The following PTPRD variants were observed in gnomAD, a reference collection of about 807,000 sequenced individuals.
The protein encoded by PTPRD is protein tyrosine phosphatase receptor type D, also known as receptor-type tyrosine-protein phosphatase delta.
In PTPRD, 34 loss-of-function variants were observed where a neutral mutation model predicts 214.5. The ratio of observed to expected loss-of-function variants is 0.16; its 90% CI spans 0.12 to 0.21. The LOEUF is 0.21. Among genes scored for constraint, PTPRD ranks in the 10% least tolerant of loss-of-function variants. PTPRD has a pLI of 1.00. For missense variants in PTPRD, 2,545 were observed against 2,398.7 expected (o/e 1.06, Z -1.27); for synonymous variants, 1,128 against 845.7 (o/e 1.33, Z -5.79).
At chr9:10,404,440 T>C (rs1014254729) in intron 2 of PTPRD, among the ~76,000 whole-genome samples, 1 of 151,716 alleles carries the variant, frequency 6.6e-6, no homozygotes, top group Non-Finnish European at 1.5e-5. Flanking sequence ...TTCTTATTTG[T>C]ATTATTTTAA....
rs137923498 is a variant in PTPRD at position 9,703,775 on chromosome 9, C to A, written c.-287+30758G>T. ...GAAATCAGGGAGATTAATAAAATAACCCTAAAGAGTTGAAGTTAGTTAGAA... is the reference window on the plus strand; with the variant it reads ...GAAATCAGGGAGATTAATAAAATAAACCTAAAGAGTTGAAGTTAGTTAGAA... On this transcript the variant is annotated intron_variant, in intron 7 of 45. Coordinates refer to ENST00000381196, the MANE Select transcript of PTPRD (RefSeq NM_002839.4). 3.2e-4 allele frequency among the ~76,000 whole-genome samples: 49 copies of A among 152,136 alleles called. 1 individual carries two copies. The East Asian group carries it at 9.3e-3, about 29-fold the overall frequency.
chr9:8,457,284 G>A (rs552767617), intron 33 of PTPRD, among the ~76,000 whole-genome samples: 7 of 152,068 alleles, frequency 4.6e-5, no homozygotes, highest in Non-Finnish European at 8.8e-5. Flanking sequence ...GTACTTGGCC[G>A]AACGTTGCTA....
intron 2 of PTPRD, among the ~76,000 whole-genome samples, chr9:10,418,258 G>C (rs561578497): frequency 1.3e-5 from 2 of 151,698 alleles, no homozygotes; most frequent in Non-Finnish European, 2.9e-5. Flanking sequence ...AAATATAATA[G>C]CATTATGTTT....
chr9:10,393,964 G>A (rs1053236273), intron 2 of PTPRD, among the ~76,000 whole-genome samples: 1 of 147,306 alleles, frequency 6.8e-6, no homozygotes, highest in Non-Finnish European at 1.5e-5. Context: ...AAACTCTTAG[G>A]ATACAGCTGT....
chr9:8,785,162 T>G (rs1444345744), intron 11 of PTPRD, among the ~76,000 whole-genome samples: 1 of 151,734 alleles, frequency 6.6e-6, no homozygotes, highest in Non-Finnish European at 1.5e-5. Flanking sequence ...GACACAAATA[T>G]GTACAAGAAA....
At chr9:8,387,979 A>G (rs1244465134) in intron 37 of PTPRD, among the ~76,000 whole-genome samples, 3 of 152,226 alleles carry the variant, frequency 2.0e-5, no homozygotes, top group Non-Finnish European at 4.4e-5. Context: ...AGTATGGCAG[A>G]TATTTGTCTT....
chr9:8,646,305 G>A (rs556678021), intron 12 of PTPRD, among the ~76,000 whole-genome samples: 92 of 152,032 alleles, frequency 6.1e-4, no homozygotes, highest in Non-Finnish European at 8.1e-4. Flanking sequence ...TTCCCTTTTC[G>A]TTCTTTGAGT....
intron 3 of PTPRD, among the ~76,000 whole-genome samples, chr9:10,036,263 C>A (rs531273247): frequency 7.2e-5 from 11 of 152,254 alleles, no homozygotes; most frequent in African/African-American, 2.4e-4. Flanking sequence ...TCCTTGACAT[C>A]TAAGACATAC....
chr9:10,076,144 G>C (rs1340629532), intron 3 of PTPRD, among the ~76,000 whole-genome samples: 1 of 152,040 alleles, frequency 6.6e-6, no homozygotes, highest in African/African-American at 2.4e-5. Context: ...AGTACTGTAT[G>C]TGGCCCTCTG....
rs576114314 is a variant in PTPRD, at chr9:9,091,082, A to G, written c.-142-72347T>C. On this transcript the variant is annotated intron_variant, in intron 10 of 45. Coordinates refer to ENST00000381196, the MANE Select transcript of PTPRD (RefSeq NM_002839.4). Reference sequence around the variant, plus strand: ...TCTGAAGCGAGCGTCTTCGATGCCTATGTGCTTCCCAAGCTGTATGTGAAG... The same window carrying G: ...TCTGAAGCGAGCGTCTTCGATGCCTGTGTGCTTCCCAAGCTGTATGTGAAG... 1.7e-5 allele frequency: 24 copies of G among 1,451,964 alleles called. No individual in the cohort carries two copies. In the Admixed American group the frequency reaches 2.2e-4, roughly 13 times the overall value. 89.9% of individuals were successfully genotyped at this position (1,451,964 alleles called of 1,614,324 possible). A position where few individuals can be genotyped will look rare whatever the true frequency, so the allele number is the denominator to read the frequency against.
At chr9:10,492,877 T>C (rs973751264) in intron 2 of PTPRD, among the ~76,000 whole-genome samples, 1 of 152,104 alleles carries the variant, frequency 6.6e-6, no homozygotes, top group East Asian at 1.9e-4. Flanking sequence ...CTAAATCTCG[T>C]TAAGCAGATA....
At chr9:10,365,387 C>G (rs2097497089) in intron 2 of PTPRD, among the ~76,000 whole-genome samples, 1 of 152,224 alleles carries the variant, frequency 6.6e-6, no homozygotes, top group South Asian at 2.1e-4. Flanking sequence ...ACATCAGCTT[C>G]TCACTTCAAC....
chr9:10,479,780 G>A (rs532485418), intron 2 of PTPRD, among the ~76,000 whole-genome samples: 6 of 152,058 alleles, frequency 3.9e-5, no homozygotes, highest in South Asian at 2.1e-4. Context: ...TTGATTACAC[G>A]ACTGTACTTC....
At chr9:9,951,936 G>T (rs899061360) in intron 4 of PTPRD, among the ~76,000 whole-genome samples, 15 of 152,180 alleles carry the variant, frequency 9.9e-5, no homozygotes, top group African/African-American at 3.6e-4. Flanking sequence ...ACTTGGGTAA[G>T]AACACCTGGC....
At chr9:10,436,351 A>C (rs959654821) in intron 2 of PTPRD, among the ~76,000 whole-genome samples, 1 of 151,720 alleles carries the variant, frequency 6.6e-6, no homozygotes, top group South Asian at 2.1e-4. Flanking sequence ...AGGATGCTCT[A>C]TTTGCTTCTC....
chr9:9,094,803 C>G (rs978067395), intron 10 of PTPRD, among the ~76,000 whole-genome samples: 1 of 151,972 alleles, frequency 6.6e-6, no homozygotes, highest in African/African-American at 2.4e-5. Flanking sequence ...TTACAAAAAG[C>G]AGAAGAGGAG....
chr9:10,450,733 C>T (rs1026151527), intron 2 of PTPRD, among the ~76,000 whole-genome samples: 2 of 151,924 alleles, frequency 1.3e-5, no homozygotes, highest in Non-Finnish European at 2.9e-5. Flanking sequence ...TCCTGCTGGC[C>T]TTTGTTCTTT....
In PTPRD at chr9:8,934,498, TATATATAA is replaced by T. The variant is rs1299676552; in HGVS notation, c.-104+84191_-104+84198del. ...ATATAAATATATATATATATAAATA[TATATATAA>T]ATATATATATATAAATATATATATA... On this transcript the variant is annotated intron_variant, in intron 11 of 45. Coordinates refer to ENST00000381196, the MANE Select transcript of PTPRD (RefSeq NM_002839.4). 3.0e-3 allele frequency among the ~76,000 whole-genome samples: 93 copies of T among 30,940 alleles called. 6 individuals carry two copies. Among genetic ancestry groups the T allele is most frequent in the South Asian group, 5.6e-3 (5 of 890 alleles). The allele number at this position is 30,940 out of a possible 152,430, so 20.3% of individuals were successfully genotyped here.
At chr9:10,477,409 T>C (rs1490322847) in intron 2 of PTPRD, among the ~76,000 whole-genome samples, 1 of 152,040 alleles carries the variant, frequency 6.6e-6, no homozygotes, top group Non-Finnish European at 1.5e-5. Flanking sequence ...ATCAGAGAAA[T>C]GCAAATCAAA....
Sources: gnomAD v4.1 joint callset for allele counts (sites outside exome capture counted in the v4.1 genomes callset) on GRCh38, gnomAD v4.1.1 for gene constraint, MANE v1.5 for transcripts, NCBI Gene and HGNC (gene_info 2026-07-23, HGNC 2026-07-21) for gene names.